Variants in PTK2 observed in about 807,000 individuals in gnomAD.
PTK2 encodes focal adhesion kinase 1.
Under a neutral mutation model 150.1 loss-of-function variants are expected in PTK2, and 45 were observed. The observed-to-expected ratio is 0.30, with a 90% CI of 0.24 to 0.38. The LOEUF is 0.38. PTK2 is among the 10% of genes least tolerant of loss of function. The pLI is 1.00. For missense variants in PTK2, 919 were observed against 1,307.3 expected (o/e 0.70, Z 4.58); for synonymous variants, 432 against 449.2 (o/e 0.96, Z 0.48).
intron 1 of PTK2, among the ~76,000 whole-genome samples, chr8:140,936,572 A>C (rs1256485584): frequency 6.6e-6 from 1 of 152,172 alleles, no homozygotes; most frequent in Non-Finnish European, 1.5e-5. Context: ...GCCCTAAAAA[A>C]AAAAAAGATC....
At chr8:140,953,275 A>C (rs758969645) in intron 1 of PTK2, among the ~76,000 whole-genome samples, 1 of 152,212 alleles carries the variant, frequency 6.6e-6, no homozygotes, top group Non-Finnish European at 1.5e-5. Flanking sequence ...TACCTACAAT[A>C]AGGTTTAATT....
At chr8:140,718,476 G>A (rs2100040997) in intron 22 of PTK2, 1 of 152,142 alleles carries the variant, frequency 6.6e-6, no homozygotes, top group Non-Finnish European at 1.5e-5. Flanking sequence ...CCACGCAGAT[G>A]CCCCAGGGCT....
chr8:140,723,780 A>G (rs906934476), intron 22 of PTK2, among the ~76,000 whole-genome samples: 1 of 152,256 alleles, frequency 6.6e-6, no homozygotes, highest in Admixed American at 6.5e-5. Flanking sequence ...TAGCACAATG[A>G]TAATTACACT....
chr8:140,856,757 T>A (rs1281893289), intron 5 of PTK2, among the ~76,000 whole-genome samples: 1 of 152,200 alleles, frequency 6.6e-6, no homozygotes, highest in African/African-American at 2.4e-5. Flanking sequence ...ACTTAATATT[T>A]ATATATTTAA....
chr8:140,871,785 A>G (rs781429706), intron 4 of PTK2, among the ~76,000 whole-genome samples: 6 of 152,192 alleles, frequency 3.9e-5, no homozygotes, highest in African/African-American at 7.2e-5. Flanking sequence ...AGGCTAAGAA[A>G]GGAGGACTAC....
At chr8:140,953,349 T>C (rs543019118) in intron 1 of PTK2, among the ~76,000 whole-genome samples, 4 of 152,300 alleles carry the variant, frequency 2.6e-5, no homozygotes, top group African/African-American at 9.6e-5. Flanking sequence ...ATTATAACAA[T>C]ATGCCAGCAT....
At chr8:140,932,479 G>T (rs1287117570) in intron 1 of PTK2, among the ~76,000 whole-genome samples, 1 of 152,092 alleles carries the variant, frequency 6.6e-6, no homozygotes, top group Admixed American at 6.5e-5. Context: ...GCCTCCCAAA[G>T]TGCTGGGATT....
intron 27 of PTK2, among the ~76,000 whole-genome samples, chr8:140,678,020 G>A (rs1178989907): frequency 6.6e-6 from 1 of 152,130 alleles, no homozygotes; most frequent in East Asian, 1.9e-4. Flanking sequence ...GGGATAGAAG[G>A]AGAGGAACTA....
At chr8:140,847,421 G>A (rs953761828) in intron 5 of PTK2, among the ~76,000 whole-genome samples, 1 of 152,134 alleles carries the variant, frequency 6.6e-6, no homozygotes, top group Admixed American at 6.5e-5. Context: ...ATATCAATAC[G>A]TGCAAGTAAC....
At chr8:140,830,644 G>C in intron 7 of PTK2, 118 bp from the exon 8 acceptor site, 1 of 598,466 alleles carries the variant, frequency 1.7e-6, no homozygotes, top group Non-Finnish European at 2.8e-6. Context: ...TATTTAGGAA[G>C]GAAACAAGTA....
chr8:140,670,456 CAAAAA>C lies in PTK2; in HGVS notation c.2710-2037_2710-2033del, dbSNP rs10558474. Among the ~76,000 whole-genome samples the C allele has an allele frequency of 2.1e-3, 38 of 17,836 alleles. 2 individuals are homozygous for C. Among genetic ancestry groups the C allele is most frequent in the African/African-American group, 6.4e-3 (37 of 5,816 alleles). The allele number at this position is 17,836 out of a possible 152,430, so 11.7% of individuals were successfully genotyped here. A position where few individuals can be genotyped will look rare whatever the true frequency, so the allele number is the denominator to read the frequency against. On this transcript the variant is annotated intron_variant, in intron 29 of 31. Coordinates refer to ENST00000522684, the Ensembl canonical transcript of PTK2. ...TGGGTGACAGAGCGACACTGTGTCT[CAAAAA>C]AAAAAAAAAAAAAAAAAAAAAACAA...
chr8:140,971,865 T>C (rs1335446374), intron 1 of PTK2, among the ~76,000 whole-genome samples: 1 of 152,222 alleles, frequency 6.6e-6, no homozygotes, highest in Non-Finnish European at 1.5e-5. Flanking sequence ...TATTTCAAAA[T>C]CCATTTAACT....
intron 14 of PTK2, among the ~76,000 whole-genome samples, chr8:140,783,819 T>C (rs762963779): frequency 2.4e-4 from 37 of 152,174 alleles, no homozygotes; most frequent in Non-Finnish European, 4.0e-4. Context: ...ACCAAAATAA[T>C]GTTAGAAAAT....
chr8:140,777,291 A>C (rs1410975033), intron 14 of PTK2, among the ~76,000 whole-genome samples: 9 of 152,230 alleles, frequency 5.9e-5, no homozygotes, highest in Admixed American at 5.9e-4. Context: ...GGAAGCTTAC[A>C]ATCATGGCAG....
At chr8:140,699,157 G>A (rs73714733) in intron 26 of PTK2, among the ~76,000 whole-genome samples, 5,356 of 151,980 alleles carry the variant, frequency 0.035, 310 homozygotes, top group African/African-American at 0.12. Flanking sequence ...CTATGCTTTC[G>A]AAATTCTAAA....
chr8:140,683,771 T>TG (rs1554690079), intron 27 of PTK2, among the ~76,000 whole-genome samples: 3 of 17,908 alleles, frequency 1.7e-4, no homozygotes, highest in Non-Finnish European at 2.6e-4. Flanking sequence ...TCTCAATAGA[T>TG]GAAAAAAAAA....
intron 7 of PTK2, among the ~76,000 whole-genome samples, chr8:140,842,940 T>G (rs1598278183): frequency 6.6e-6 from 1 of 152,124 alleles, no homozygotes; most frequent in Admixed American, 6.5e-5. Flanking sequence ...ATTTACAAAC[T>G]TATGCTGTGT....
At chr8:140,931,653 G>C (rs1189076326) in intron 1 of PTK2, among the ~76,000 whole-genome samples, 1 of 152,078 alleles carries the variant, frequency 6.6e-6, no homozygotes, top group East Asian at 1.9e-4. Flanking sequence ...AAATACTGTA[G>C]GCCAGGCGTG....
At chr8:140,716,375 G>A (rs1053727207) in intron 23 of PTK2, among the ~76,000 whole-genome samples, 6 of 152,158 alleles carry the variant, frequency 3.9e-5, no homozygotes, top group African/African-American at 1.4e-4. Context: ...TTTTTCTGTG[G>A]GTAACTAAGG....
Sources: gnomAD v4.1 joint callset for allele counts (sites outside exome capture counted in the v4.1 genomes callset) on GRCh38, gnomAD v4.1.1 for gene constraint, MANE v1.5 for transcripts, NCBI Gene and HGNC (gene_info 2026-07-23, HGNC 2026-07-21) for gene names.